CD33: variants seen among roughly 807,000 people sequenced by gnomAD.
CD33 encodes myeloid cell surface antigen CD33.
In CD33, 25 loss-of-function variants were observed where a neutral mutation model predicts 31.4. The observed-to-expected ratio is 0.80, with a 90% confidence interval of 0.58 to 1.11. The LOEUF is 1.11. CD33 is among the 50% of genes most tolerant of loss of function. The probability of loss-of-function intolerance (pLI) is 0.00; values close to 1 mark genes in which losing one functional copy is unlikely to be tolerated. For missense variants in CD33, 407 were observed against 448.1 expected (o/e 0.91, Z 0.83); for synonymous variants, 176 against 180.6 (o/e 0.97, Z 0.20).
At chr19:51,233,392 G>A (rs916968170) in intron 4 of CD33, among the ~76,000 whole-genome samples, 1 of 152,216 alleles carries the variant, frequency 6.6e-6, no homozygotes, top group African/African-American at 2.4e-5. Context: ...CTGCTGTTCA[G>A]GGCCAGAGTC....
At chr19:51,211,287 G>A in the CD33 span, 2 of 1,573,154 alleles carry the variant, frequency 1.3e-6, no homozygotes, top group South Asian at 1.2e-5. Context: ...GCGTCCTCGT[G>A]CCCTGCACTT....
At chr19:51,215,090 TCCTG>T in the CD33 span, among the ~76,000 whole-genome samples, 1 of 152,132 alleles carries the variant, frequency 6.6e-6, no homozygotes, top group Non-Finnish European at 1.5e-5. Flanking sequence ...GCTGTGAAGA[TCCTG>T]CTTCTCTGCC....
Position 51,235,241 on chromosome 19 carries a change from T to C in CD33, c.830T>C (p.Leu277Pro). ...VTALLALCLC[L>P]IFFIVKTHRR... ...GCCCTGCTCGCTCTTTGTCTCTGCC[T>C]CATCTTCTTCATGTGAGCATTTTCT... The change falls in exon 5 of 7, where the codon CTC (leucine) becomes CCC (proline). Residue 277 changes from leucine (L) to proline (P), a missense_variant. Transcript: ENST00000262262. 1.9e-6 allele frequency: 3 copies of C among 1,613,908 alleles called. No homozygotes were observed.
intron 6 of CD33, chr19:51,237,280 C>G (rs1981865761): frequency 2.0e-5 from 3 of 152,218 alleles, no homozygotes; most frequent in Non-Finnish European, 2.9e-5. Context: ...GCCAATTGCT[C>G]TAGGTCCTTG....
At chr19:51,238,060 G>A (rs1981914910) in intron 6 of CD33, 1 of 152,250 alleles carries the variant, frequency 6.6e-6, no homozygotes, top group African/African-American at 2.4e-5. Flanking sequence ...TGTCTCAGAT[G>A]TCATAGGTGG....
upstream of CD33, among the ~76,000 whole-genome samples, chr19:51,221,842 T>C (rs1413637476): frequency 2.0e-5 from 3 of 152,184 alleles, no homozygotes; most frequent in East Asian, 5.8e-4. Context: ...AAACTATAGA[T>C]TCATACACTC....
chr19:51,217,057 C>T, the CD33 span, among the ~76,000 whole-genome samples: 1 of 152,192 alleles, frequency 6.6e-6, no homozygotes, highest in Admixed American at 6.5e-5. Flanking sequence ...ACCTGGTGCC[C>T]TGCAGGCCAC....
chr19:51,214,365 T>G, the CD33 span, among the ~76,000 whole-genome samples: 1 of 151,516 alleles, frequency 6.6e-6, no homozygotes, highest in Admixed American at 6.6e-5. Flanking sequence ...GCCCAGCTAT[T>G]TTTTGTATTT....
the CD33 span, among the ~76,000 whole-genome samples, chr19:51,218,269 T>G: frequency 6.6e-6 from 1 of 152,252 alleles, no homozygotes; most frequent in Admixed American, 6.5e-5. Context: ...TGCATTTATC[T>G]GATGATTAGT....
chr19:51,211,151 T>C, the CD33 span: 12 of 1,601,498 alleles, frequency 7.5e-6, no homozygotes, highest in Non-Finnish European at 1.0e-5. Context: ...GGCAGGTGAA[T>C]GGCTGCGGGG....
chr19:51,238,849 C>T (rs1311369330), intron 6 of CD33: 1 of 152,292 alleles, frequency 6.6e-6, no homozygotes, highest in Admixed American at 6.5e-5. Flanking sequence ...TGCCATTTCT[C>T]CAGCATCTGC....
At chr19:51,225,763 C>T in intron 2 of CD33, 40 bp from the exon 3 acceptor site, 2 of 1,592,804 alleles carry the variant, frequency 1.3e-6, no homozygotes, top group Admixed American at 3.4e-5. Context: ...TCACCTGGAC[C>T]CTCCCTCCTG....
chr19:51,238,359 A>C (rs1193510986), intron 6 of CD33: 1 of 152,242 alleles, frequency 6.6e-6, no homozygotes, highest in Non-Finnish European at 1.5e-5. Flanking sequence ...CGTGGGAGAC[A>C]CAGAGGTTGG....
At chr19:51,230,537 C>G (rs750219117) in intron 4 of CD33, among the ~76,000 whole-genome samples, 2 of 152,114 alleles carry the variant, frequency 1.3e-5, no homozygotes, top group African/African-American at 4.8e-5. Flanking sequence ...TATCTGGGTG[C>G]TCTGGTGTTG....
At chr19:51,225,715 G>T (rs141864348) in intron 2 of CD33, 88 bp from the exon 3 acceptor site, 2 of 1,540,378 alleles carry the variant, frequency 1.3e-6, no homozygotes, top group Non-Finnish European at 8.8e-7. Flanking sequence ...CGTGCTTAGC[G>T]GGGGAGCTTG....
chr19:51,213,721 A>G, the CD33 span, among the ~76,000 whole-genome samples: 1 of 150,322 alleles, frequency 6.7e-6, no homozygotes, highest in Admixed American at 6.6e-5. Context: ...TTTTCAGTAG[A>G]GATAGGGTTT....
At chr19:51,227,492 T>C (rs534034971) in intron 4 of CD33, among the ~76,000 whole-genome samples, 5 of 152,340 alleles carry the variant, frequency 3.3e-5, no homozygotes, top group Admixed American at 6.5e-5. Flanking sequence ...ATTTTTCATA[T>C]ACACTTGTTG....
rs143779270 is a variant in CD33, at chr19:51,228,668, T to TTTTTG, written c.745+2342_745+2346dup. On this transcript the variant is annotated intron_variant, in intron 4 of 6. Coordinates refer to ENST00000262262, the MANE Select transcript of CD33 (RefSeq NM_001772.4). ...GAGTTTTATTGTTAGAGTCTTTAGG[T>TTTTTG]TTTTGTTTTGTTTTGTTTTGTTTTG... is the stretch of plus-strand genomic sequence containing the variant. Among the ~76,000 whole-genome samples the TTTTTG allele has an allele frequency of 7.6e-3, 1,147 of 151,062 alleles. 11 individuals carry two copies. The highest frequency in any genetic ancestry group is 0.021 in the African/African-American group (869 of 41,028).
chr19:51,231,880 TC>T (rs1344137686), intron 4 of CD33, among the ~76,000 whole-genome samples: 1 of 152,166 alleles, frequency 6.6e-6, no homozygotes, highest in Non-Finnish European at 1.5e-5. Context: ...TGCCTTAACC[TC>T]CCAAGTAGCT....
Sources: allele counts gnomAD v4.1 joint callset (sites outside exome capture counted in the v4.1 genomes callset), GRCh38; gene constraint gnomAD v4.1.1; transcripts MANE v1.5; gene names NCBI Gene and HGNC (gene_info 2026-07-23, HGNC 2026-07-21).